Variants in TSPAN5 observed in about 807,000 individuals in gnomAD.
TSPAN5 encodes tetraspanin-5.
Under a neutral mutation model 37.1 loss-of-function variants are expected in TSPAN5, and 10 were observed. The ratio of observed to expected loss-of-function variants is 0.27; its 90% confidence interval spans 0.17 to 0.46. TSPAN5 has a LOEUF of 0.46. TSPAN5 is among the 20% of genes least tolerant of loss of function. The probability of loss-of-function intolerance (pLI) is 1.00; values close to 1 mark genes in which losing one functional copy is unlikely to be tolerated. For missense variants in TSPAN5, 195 were observed against 326.6 expected, an observed-to-expected ratio of 0.60 and a Z score of 3.11; for synonymous variants, 110 against 118.9, an observed-to-expected ratio of 0.93 and a Z score of 0.48.
chr4:98,608,894 C>T (rs577119461), intron 1 of TSPAN5, among the ~76,000 whole-genome samples: 7 of 152,288 alleles, frequency 4.6e-5, no homozygotes, highest in African/African-American at 1.7e-4. Flanking sequence ...ACCCTGTAAA[C>T]TCTTTTCTGT....
rs1649741478 is a variant in TSPAN5, at chr4:98,658,263, G to C, written c.-37C>G. The C allele has an allele frequency of 7.0e-6, 11 of 1,564,838 alleles. No individual in the cohort carries two copies. Among genetic ancestry groups the C allele is most frequent in the Non-Finnish European group, 9.7e-6 (11 of 1,135,316 alleles). Reference sequence around the variant, plus strand: ...ATGAAGACACTTGCCCCGGCAGCCCGAGTTTGGAGCTCCGAAGCACCGTTG... The same window carrying C: ...ATGAAGACACTTGCCCCGGCAGCCCCAGTTTGGAGCTCCGAAGCACCGTTG... On this transcript the variant is annotated 5_prime_UTR_variant, in exon 1 of 8. Coordinates refer to ENST00000305798, the MANE Select transcript of TSPAN5 (RefSeq NM_005723.4).
intron 1 of TSPAN5, among the ~76,000 whole-genome samples, chr4:98,571,330 G>A (rs1443910215): frequency 2.0e-5 from 3 of 152,186 alleles, no homozygotes; most frequent in Middle Eastern, 3.4e-3. Flanking sequence ...GGCTGCTGGC[G>A]GGGAGGAGGG....
rs1755033361 is a variant in TSPAN5, at chr4:98,567,607, G to A, written c.82-59879C>T. Among the ~76,000 whole-genome samples, 3 of 152,196 alleles carry A rather than the reference G, an allele frequency of 2.0e-5. No individual in the cohort carries two copies. In the South Asian group the frequency reaches 6.2e-4, roughly 31 times the overall value. On this transcript the variant is annotated intron_variant, in intron 1 of 7. Coordinates refer to ENST00000305798, the MANE Select transcript of TSPAN5 (RefSeq NM_005723.4). ...GTTCAAAGCAACACAGCACGGTTGG[G>A]ATGTAATCGCAGATGGGTCTGCCTC...
intron 1 of TSPAN5, among the ~76,000 whole-genome samples, chr4:98,628,127 C>T (rs980126263): frequency 6.6e-6 from 1 of 152,178 alleles, no homozygotes; most frequent in Admixed American, 6.5e-5. Flanking sequence ...ATATCTAACA[C>T]CATTCCCCAT....
chr4:98,645,658 C>T (rs772999227), intron 1 of TSPAN5, among the ~76,000 whole-genome samples: 3 of 152,132 alleles, frequency 2.0e-5, no homozygotes, highest in Admixed American at 6.5e-5. Context: ...GATCAGCTGG[C>T]GACCTAACTC....
intron 1 of TSPAN5, among the ~76,000 whole-genome samples, chr4:98,611,862 C>T (rs12501391): frequency 0.51 from 77,408 of 152,068 alleles, 20,059 homozygotes; most frequent in South Asian, 0.59. Context: ...ACTGACCCAG[C>T]TCCATCCCCT....
chr4:98,543,326 G>T (rs1754400323), intron 1 of TSPAN5, among the ~76,000 whole-genome samples: 1 of 151,878 alleles, frequency 6.6e-6, no homozygotes, highest in Non-Finnish European at 1.5e-5. Context: ...TAGATAATGT[G>T]TAAATCATAT....
Position 98,549,662 on chromosome 4 carries a change from G to T in TSPAN5, c.82-41934C>A, listed in dbSNP as rs182592709. Among the ~76,000 whole-genome samples, 606 of 152,114 alleles carry T rather than the reference G, an allele frequency of 4.0e-3. 22 individuals are homozygous for T. The East Asian group carries it at 0.09, about 23-fold the overall frequency. The stretch of plus-strand genomic sequence containing the variant: ...GATGTTGAGCATTTTTTTCATGTTT[G>T]TTGGCCACTTGTATGTCTTCTTTTG... On this transcript the variant is annotated intron_variant, in intron 1 of 7. Transcript: ENST00000305798.
intron 7 of TSPAN5, among the ~76,000 whole-genome samples, chr4:98,473,525 T>C (rs568997704): frequency 6.7e-6 from 1 of 149,552 alleles, no homozygotes; most frequent in South Asian, 2.1e-4. Context: ...AGTGGCGCAA[T>C]CTCGGCTCAC....
At chr4:98,525,623 C>G (rs1753943935) in intron 1 of TSPAN5, among the ~76,000 whole-genome samples, 1 of 152,184 alleles carries the variant, frequency 6.6e-6, no homozygotes, top group Admixed American at 6.5e-5. Context: ...GTCCCCCAGG[C>G]TGGAGTGCAG....
intron 1 of TSPAN5, among the ~76,000 whole-genome samples, chr4:98,560,796 A>G (rs1349513790): frequency 6.6e-6 from 1 of 152,228 alleles, no homozygotes; most frequent in Non-Finnish European, 1.5e-5. Flanking sequence ...AAGGCAGTGT[A>G]GGAAGATGGG....
intron 1 of TSPAN5, among the ~76,000 whole-genome samples, chr4:98,576,569 A>G (rs1755241451): frequency 6.6e-6 from 1 of 152,064 alleles, no homozygotes; most frequent in South Asian, 2.1e-4. Flanking sequence ...CTAAAAAATT[A>G]GCCAGGCGTG....
At chr4:98,653,174 T>C (rs1326055928) in intron 1 of TSPAN5, among the ~76,000 whole-genome samples, 3 of 152,194 alleles carry the variant, frequency 2.0e-5, no homozygotes. Flanking sequence ...TTATGACTTA[T>C]AAACTGCTGA....
At chr4:98,609,834 G>A (rs995981967) in intron 1 of TSPAN5, among the ~76,000 whole-genome samples, 1 of 152,176 alleles carries the variant, frequency 6.6e-6, no homozygotes, top group Non-Finnish European at 1.5e-5. Flanking sequence ...ACAGGGCTGA[G>A]CCTGACGGAC....
intron 2 of TSPAN5, among the ~76,000 whole-genome samples, chr4:98,499,805 C>T (rs1225385749): frequency 2.6e-5 from 4 of 151,822 alleles, no homozygotes; most frequent in African/African-American, 4.8e-5. Context: ...GGACTACAGG[C>T]GCCTGCCACC....
chr4:98,515,539 C>T (rs1325528484), intron 1 of TSPAN5, among the ~76,000 whole-genome samples: 1 of 152,096 alleles, frequency 6.6e-6, no homozygotes, highest in Non-Finnish European at 1.5e-5. Context: ...CTCTCTCCCT[C>T]TCCTGAACTT....
chr4:98,614,195 T>C (rs1756265851), intron 1 of TSPAN5, among the ~76,000 whole-genome samples: 1 of 152,156 alleles, frequency 6.6e-6, no homozygotes, highest in South Asian at 2.1e-4. Flanking sequence ...TAAGTGTAGA[T>C]GCAGAAAACT....
intron 1 of TSPAN5, among the ~76,000 whole-genome samples, chr4:98,633,395 A>C (rs1756789997): frequency 1.3e-5 from 2 of 152,188 alleles, no homozygotes; most frequent in African/African-American, 4.8e-5. Context: ...GTTTGCAGCG[A>C]CCTGTTCAGT....
chr4:98,583,778 AAAG>A (rs1336529362), intron 1 of TSPAN5, among the ~76,000 whole-genome samples: 6 of 152,364 alleles, frequency 3.9e-5, no homozygotes, highest in Non-Finnish European at 7.3e-5. Flanking sequence ...ACAGGGTGAG[AAAG>A]AAGAATAAGT....
Sources: allele counts gnomAD v4.1 joint callset (sites outside exome capture counted in the v4.1 genomes callset), GRCh38; gene constraint gnomAD v4.1.1; transcripts MANE v1.5; gene names NCBI Gene and HGNC (gene_info 2026-07-23, HGNC 2026-07-21).